The following FER variants were observed in gnomAD, a reference collection of about 807,000 sequenced individuals.
FER encodes tyrosine-protein kinase Fer.
In FER, 63 loss-of-function variants were observed where a neutral mutation model predicts 111.0. The observed-to-expected ratio is 0.57, with a 90% CI of 0.46 to 0.70. FER has a LOEUF of 0.70. FER is among the 30% of genes least tolerant of loss of function. The pLI, the probability that FER is intolerant of heterozygous loss-of-function variation, is 0.00. For synonymous variants in FER, 327 were observed against 313.9 expected, an observed-to-expected ratio of 1.04 and a Z score of -0.44; for missense variants, 914 against 954.0, an observed-to-expected ratio of 0.96 and a Z score of 0.55.
intron 10 of FER, among the ~76,000 whole-genome samples, chr5:108,903,289 T>G (rs1750299328): frequency 6.6e-6 from 1 of 152,240 alleles, no homozygotes; most frequent in African/African-American, 2.4e-5. Flanking sequence ...ACATGTTACT[T>G]AGTTTTGCTT....
intron 16 of FER, among the ~76,000 whole-genome samples, chr5:109,052,840 T>C (rs72790587): frequency 0.035 from 5,268 of 152,306 alleles, 111 homozygotes; most frequent in Non-Finnish European, 0.051. Context: ...ACAGTAGATT[T>C]TGCTAAATTT....
At chr5:109,064,313 G>A (rs572647718) in intron 16 of FER, among the ~76,000 whole-genome samples, 1 of 151,994 alleles carries the variant, frequency 6.6e-6, no homozygotes, top group African/African-American at 2.4e-5. Context: ...TCTCTTAGTA[G>A]GCCACTGTTT....
At chr5:109,181,038 C>A in intron 18 of FER, 137 bp downstream of exon 18, 1 of 658,212 alleles carries the variant, frequency 1.5e-6, no homozygotes. Context: ...AAGTGAATTT[C>A]ATACTTTTAA....
intron 13 of FER, among the ~76,000 whole-genome samples, chr5:108,991,052 T>C (rs1394110861): frequency 6.6e-6 from 1 of 151,448 alleles, no homozygotes; most frequent in Non-Finnish European, 1.5e-5. Flanking sequence ...TATATGTATA[T>C]ATACACACAT....
chr5:109,179,670 T>C (rs1345656901), intron 17 of FER, among the ~76,000 whole-genome samples: 1 of 152,206 alleles, frequency 6.6e-6, no homozygotes. Flanking sequence ...AACTTCCTTG[T>C]CATCATTCCC....
At chr5:108,900,676 A>G (rs948249709) in intron 10 of FER, among the ~76,000 whole-genome samples, 2 of 152,324 alleles carry the variant, frequency 1.3e-5, no homozygotes, top group East Asian at 3.9e-4. Flanking sequence ...AGTGTTACTG[A>G]AAATACCGAC....
At chr5:108,908,605 T>C (rs1378549745) in intron 10 of FER, among the ~76,000 whole-genome samples, 1 of 151,720 alleles carries the variant, frequency 6.6e-6, no homozygotes, top group Non-Finnish European at 1.5e-5. Context: ...GTATTTGTTT[T>C]AAAATTTGTA....
chr5:108,773,847 A>G (rs1753192127), intron 2 of FER, among the ~76,000 whole-genome samples: 1 of 152,066 alleles, frequency 6.6e-6, no homozygotes, highest in African/African-American at 2.4e-5. Flanking sequence ...CCACAACCTC[A>G]CCAACATCTG....
intron 17 of FER, among the ~76,000 whole-genome samples, chr5:109,120,185 A>G (rs370011908): frequency 4.0e-4 from 61 of 152,112 alleles, no homozygotes; most frequent in African/African-American, 1.3e-3. Context: ...AATCAGCCCA[A>G]TGTCCTGGAG....
rs752690893 is a variant in FER at position 108,954,837 on chromosome 5, T to A, written c.1438T>A (p.Phe480Ile). ...AGAACTGTTAAAAAAACAAGGAGACTTTTTGGTGCGAGAGAGTCATGGGAA... is the reference window on the plus strand; with the variant it reads ...AGAACTGTTAAAAAAACAAGGAGACATTTTGGTGCGAGAGAGTCATGGGAA... Reference protein sequence around the residue: ...AQELLKKQGDFLVRESHGKPG... With the variant: ...AQELLKKQGDILVRESHGKPG... Residue 480 changes from phenylalanine (F) to isoleucine (I), a missense_variant, in exon 12 of 20, where the codon TTT becomes ATT. Transcript: ENST00000281092. The A allele has an allele frequency of 2.5e-6, 4 of 1,612,086 alleles. No homozygotes were observed. The highest frequency in any genetic ancestry group is 3.4e-6 in the Non-Finnish European group (4 of 1,179,060).
At chr5:108,788,184 G>A (rs1312546532) in intron 2 of FER, among the ~76,000 whole-genome samples, 10 of 152,152 alleles carry the variant, frequency 6.6e-5, no homozygotes, top group Non-Finnish European at 1.5e-4. Context: ...CTGTCCAGAT[G>A]CTACTGAAGC....
At chr5:109,157,439 G>GTA in intron 17 of FER, among the ~76,000 whole-genome samples, 1 of 151,886 alleles carries the variant, frequency 6.6e-6, no homozygotes. Context: ...GTAAACCATT[G>GTA]TCTTCTTGTT....
At chr5:109,004,985 C>A (rs1162698393) in intron 13 of FER, among the ~76,000 whole-genome samples, 1 of 151,852 alleles carries the variant, frequency 6.6e-6, no homozygotes, top group Non-Finnish European at 1.5e-5. Flanking sequence ...GATTAAGGAA[C>A]AAACTGACTA....
intron 13 of FER, among the ~76,000 whole-genome samples, chr5:108,987,358 A>G (rs1762687236): frequency 6.6e-6 from 1 of 152,128 alleles, no homozygotes; most frequent in African/African-American, 2.4e-5. Flanking sequence ...AGGCAGGAGA[A>G]TCGCTTGAAC....
intron 13 of FER, among the ~76,000 whole-genome samples, chr5:108,993,270 ACT>A (rs1318091494): frequency 1.4e-4 from 21 of 152,140 alleles, no homozygotes; most frequent in Non-Finnish European, 2.8e-4. Flanking sequence ...AGTGAACGAG[ACT>A]CTGTCTGCAA....
chr5:109,112,621 T>C (rs1047504204), intron 17 of FER, among the ~76,000 whole-genome samples: 4 of 152,182 alleles, frequency 2.6e-5, no homozygotes, highest in African/African-American at 7.2e-5. Context: ...TTTATTTACT[T>C]GGAAGAAAAA....
rs1370432475 is a variant in FER at position 108,869,457 on chromosome 5, C to A, written c.665+1507C>A. 2.0e-5 allele frequency among the ~76,000 whole-genome samples: 3 copies of A among 151,160 alleles called. No individual in the cohort carries two copies. In the East Asian group the frequency reaches 5.8e-4, roughly 29 times the overall value. ...ATGTGAACTTATTTGGAAATAGGGT[C>A]TTTGCAGATGTAATTAGTCAAGGAT... On this transcript the variant is annotated intron_variant, in intron 6 of 19. Coordinates refer to ENST00000281092, the MANE Select transcript of FER (RefSeq NM_005246.4).
At chr5:109,016,573 T>TA (rs1266230323) in intron 13 of FER, among the ~76,000 whole-genome samples, 1 of 152,058 alleles carries the variant, frequency 6.6e-6, no homozygotes, top group Admixed American at 6.6e-5. Context: ...AGCTTTCTCT[T>TA]ATCACTGATA....
At chr5:109,081,141 G>A (rs996718711) in intron 16 of FER, among the ~76,000 whole-genome samples, 1 of 151,970 alleles carries the variant, frequency 6.6e-6, no homozygotes, top group African/African-American at 2.4e-5. Flanking sequence ...GAAAAATTGG[G>A]CAAGTTGTCT....
Sources: allele counts gnomAD v4.1 joint callset (sites outside exome capture counted in the v4.1 genomes callset), GRCh38; gene constraint gnomAD v4.1.1; transcripts MANE v1.5; gene names NCBI Gene and HGNC (gene_info 2026-07-23, HGNC 2026-07-21).